Variants in ZBTB5 observed in about 807,000 individuals in gnomAD.
The protein encoded by ZBTB5 is zinc finger and BTB domain containing 5.
A neutral mutation model predicts 37.9 loss-of-function variants in ZBTB5; 15 were observed. The ratio of observed to expected loss-of-function variants is 0.40; its 90% CI spans 0.26 to 0.61. The LOEUF (loss-of-function observed/expected upper bound fraction) is 0.61. ZBTB5 is among the 20% of genes least tolerant of loss of function. The pLI is 0.47. For synonymous variants in ZBTB5, 315 were observed against 312.4 expected, an observed-to-expected ratio of 1.01 and a Z score of -0.09; for missense variants, 708 against 856.8, an observed-to-expected ratio of 0.83 and a Z score of 2.17.
intron 1 of ZBTB5, among the ~76,000 whole-genome samples, chr9:37,452,575 T>G (rs1824123396): frequency 6.6e-6 from 1 of 152,142 alleles, no homozygotes; most frequent in Non-Finnish European, 1.5e-5. Flanking sequence ...CAAGTGCAAG[T>G]GATTTATCAA....
In ZBTB5 at chr9:37,465,234, C is replaced by A. The variant is rs576732791; in HGVS notation, c.-24G>T. On this transcript the variant is annotated 5_prime_UTR_variant, in exon 1 of 2. Coordinates refer to ENST00000307750, the MANE Select transcript of ZBTB5 (RefSeq NM_014872.3). Reference sequence around the variant, plus strand: ...CCTCACCTGAGTCGGGCTCCGCCCCCCTCCTCCTCGCTGAAGGAGGCGGTG... The same window carrying A: ...CCTCACCTGAGTCGGGCTCCGCCCCACTCCTCCTCGCTGAAGGAGGCGGTG... 3.3e-5 allele frequency: 5 copies of A among 152,364 alleles called. No homozygotes were observed. Among genetic ancestry groups the A allele is most frequent in the Admixed American group, 2.6e-4 (4 of 15,300 alleles). 9.4% of individuals were successfully genotyped at this position (152,364 alleles called of 1,614,324 possible).
chr9:37,444,308 C>A (rs1341007731), intron 1 of ZBTB5, among the ~76,000 whole-genome samples: 1 of 152,134 alleles, frequency 6.6e-6, no homozygotes, highest in Non-Finnish European at 1.5e-5. Context: ...AAGTGATTCT[C>A]CTGCCTCAGC....
At chr9:37,444,471 A>G (rs1290989382) in intron 1 of ZBTB5, among the ~76,000 whole-genome samples, 1 of 152,188 alleles carries the variant, frequency 6.6e-6, no homozygotes. Context: ...AAGTGCTGGG[A>G]TTACAGGCAT....
intron 1 of ZBTB5, among the ~76,000 whole-genome samples, chr9:37,459,887 T>C (rs1178269377): frequency 1.3e-5 from 2 of 151,630 alleles, no homozygotes; most frequent in Non-Finnish European, 2.9e-5. Flanking sequence ...ATTTTTTGTA[T>C]TTTTAGTAGA....
intron 1 of ZBTB5, among the ~76,000 whole-genome samples, chr9:37,451,071 T>G (rs927881124): frequency 6.6e-6 from 1 of 151,812 alleles, no homozygotes; most frequent in Non-Finnish European, 1.5e-5. Context: ...TACCAGCTAC[T>G]CAAGAGACTG....
At chr9:37,458,296 T>C (rs1221742457) in intron 1 of ZBTB5, among the ~76,000 whole-genome samples, 2 of 152,204 alleles carry the variant, frequency 1.3e-5, no homozygotes, top group Non-Finnish European at 2.9e-5. Flanking sequence ...TCTCAACTCT[T>C]GAGTACCTGT....
chr9:37,463,103 T>A (rs2118964990), intron 1 of ZBTB5, among the ~76,000 whole-genome samples: 1 of 152,318 alleles, frequency 6.6e-6, no homozygotes. Context: ...AATACATGTA[T>A]AACTAATAAA....
chr9:37,464,912 T>C (rs7049017), intron 1 of ZBTB5, among the ~76,000 whole-genome samples: 14,571 of 152,286 alleles, frequency 0.096, 773 homozygotes, highest in Non-Finnish European at 0.13. Context: ...CCGCTGGTCC[T>C]GAGGCCTTTC....
At chr9:37,456,292 G>C (rs145510216) in intron 1 of ZBTB5, among the ~76,000 whole-genome samples, 19 of 152,278 alleles carry the variant, frequency 1.2e-4, no homozygotes, top group African/African-American at 4.3e-4. Flanking sequence ...GTCAGACAGA[G>C]CGGAGTACTG....
rs1446604760 is a variant in ZBTB5 at position 37,439,456 on chromosome 9, A to T, written c.*1062T>A. ...TAAAATTTAGGGTCTGTACTGTTAAAAGTATAGTATATAACAGTAATAAAA... is the reference window on the plus strand; with the variant it reads ...TAAAATTTAGGGTCTGTACTGTTAATAGTATAGTATATAACAGTAATAAAA... On this transcript the variant is annotated 3_prime_UTR_variant, in exon 2 of 2. Coordinates refer to ENST00000307750, the MANE Select transcript of ZBTB5 (RefSeq NM_014872.3). The T allele has an allele frequency of 6.6e-6, 1 of 152,256 alleles. No homozygotes were observed. Among genetic ancestry groups the T allele is most frequent in the Admixed American group, 6.5e-5 (1 of 15,288 alleles). 9.4% of individuals were successfully genotyped at this position (152,256 alleles called of 1,614,324 possible).
At chr9:37,445,436 G>A (rs1017475534) in intron 1 of ZBTB5, among the ~76,000 whole-genome samples, 6 of 152,070 alleles carry the variant, frequency 3.9e-5, no homozygotes, top group South Asian at 2.1e-4. Context: ...TGAGCCCCCA[G>A]GAGTTCAAGA....
At chr9:37,464,743 C>T (rs905176828) in intron 1 of ZBTB5, among the ~76,000 whole-genome samples, 3 of 152,248 alleles carry the variant, frequency 2.0e-5, no homozygotes, top group African/African-American at 7.2e-5. Flanking sequence ...GAAACACTGG[C>T]TCCACCCCTC....
chr9:37,460,228 G>GC (rs1309897953), intron 1 of ZBTB5, among the ~76,000 whole-genome samples: 1 of 148,862 alleles, frequency 6.7e-6, no homozygotes, highest in Non-Finnish European at 1.5e-5. Context: ...AACTGAGGTC[G>GC]GAAGTTCGAA....
chr9:37,453,768 T>A (rs1300588668), intron 1 of ZBTB5, among the ~76,000 whole-genome samples: 2 of 152,202 alleles, frequency 1.3e-5, no homozygotes, highest in African/African-American at 4.8e-5. Context: ...CACTTGGGTA[T>A]GTGACCCAAG....
In ZBTB5 at chr9:37,441,995, G is replaced by A. The variant is rs757959182; in HGVS notation, c.557C>T (p.Pro186Leu). Reference sequence around the variant, plus strand: ...CTTGCGCTTATGAAGGCGTCTCATGGGGAAGGGCGTGCGCTGATCCAGGTT... The same window carrying A: ...CTTGCGCTTATGAAGGCGTCTCATGAGGAAGGGCGTGCGCTGATCCAGGTT... ...RSNLDQRTPF[P>L]MRRLHKRKQS... The change falls in exon 2 of 2, where the codon CCC becomes CTC. Residue 186 changes from proline to leucine, a missense_variant. Pro to Leu is a moderately conservative substitution (Grantham distance 98). Around this residue, in one of 3 missense-constraint regions of ZBTB5, gnomAD observed 639 missense variants for 690.5 expected, o/e 0.93. Coordinates refer to ENST00000307750, the MANE Select transcript of ZBTB5 (RefSeq NM_014872.3). 1 of 1,613,836 alleles carries A rather than the reference G, an allele frequency of 6.2e-7. No individual in the cohort carries two copies.
intron 1 of ZBTB5, among the ~76,000 whole-genome samples, chr9:37,464,029 G>A (rs984173692): frequency 2.6e-5 from 4 of 152,068 alleles, no homozygotes; most frequent in Non-Finnish European, 5.9e-5. Context: ...TTTGGCTTAG[G>A]GGCTTTTCTC....
rs901739774 is a variant in ZBTB5, at chr9:37,438,126, T to G, written c.*2392A>C. ...ATTTAGAGGCATGAATATGACAAAT[T>G]TTTTATTTCAAAAATCTCAAGTTGT... On this transcript the variant is annotated 3_prime_UTR_variant, in exon 2 of 2. Transcript: ENST00000307750. The G allele has an allele frequency of 5.9e-5, 9 of 152,444 alleles. No homozygotes were observed. Among genetic ancestry groups the G allele is most frequent in the African/African-American group, 2.2e-4 (9 of 41,450 alleles). 9.4% of individuals were successfully genotyped at this position (152,444 alleles called of 1,614,324 possible). A position where few individuals can be genotyped will look rare whatever the true frequency, so the allele number is the denominator to read the frequency against.
At chr9:37,452,567 A>G (rs1039747159) in intron 1 of ZBTB5, among the ~76,000 whole-genome samples, 4 of 152,224 alleles carry the variant, frequency 2.6e-5, no homozygotes, top group Non-Finnish European at 5.9e-5. Flanking sequence ...GAAAGATTCA[A>G]GTGCAAGTGA....
chr9:37,461,225 T>A (rs2768656), intron 1 of ZBTB5, among the ~76,000 whole-genome samples: 3 of 152,086 alleles, frequency 2.0e-5, no homozygotes, highest in Non-Finnish European at 4.4e-5. Flanking sequence ...TTTGTTTTCC[T>A]GGTCTTCCTT....
Sources: allele counts gnomAD v4.1 joint callset (sites outside exome capture counted in the v4.1 genomes callset), GRCh38; gene constraint gnomAD v4.1.1; regional missense constraint gnomAD v4.1.1; transcripts MANE v1.5; gene names NCBI Gene and HGNC (gene_info 2026-07-23, HGNC 2026-07-21).